Variants in DAGLA observed in about 807,000 individuals in gnomAD.
The protein encoded by DAGLA is diacylglycerol lipase alpha.
In DAGLA, 22 loss-of-function variants were observed where a neutral mutation model predicts 102.6. The observed-to-expected ratio is 0.21, with a 90% CI of 0.15 to 0.31. The LOEUF is 0.31. DAGLA is among the 10% of genes least tolerant of loss of function. DAGLA has a pLI of 1.00. For missense variants in DAGLA, 927 were observed against 1,446.6 expected, an observed-to-expected ratio of 0.64 and a Z score of 5.83; for synonymous variants, 578 against 628.9, an observed-to-expected ratio of 0.92 and a Z score of 1.21.
At chr11:61,718,703 G>T (rs2065257258) in intron 1 of DAGLA, among the ~76,000 whole-genome samples, 1 of 152,180 alleles carries the variant, frequency 6.6e-6, no homozygotes, top group South Asian at 2.1e-4. Flanking sequence ...GAGAGAGTGG[G>T]ATGATGTCAC....
At chr11:61,688,298 G>A (rs530209638) in intron 1 of DAGLA, among the ~76,000 whole-genome samples, 13 of 138,824 alleles carry the variant, frequency 9.4e-5, no homozygotes, top group Admixed American at 6.0e-4. Flanking sequence ...CTGGGTGACA[G>A]AGCAAAACTC....
At chr11:61,699,087 A>G (rs541854375) in intron 1 of DAGLA, among the ~76,000 whole-genome samples, 1 of 152,294 alleles carries the variant, frequency 6.6e-6, no homozygotes, top group South Asian at 2.1e-4. Context: ...CTGGCTGCGT[A>G]TGGGTGGGGG....
intron 4 of DAGLA, 48 bp downstream of exon 4, chr11:61,723,008 AG>A: frequency 7.0e-7 from 1 of 1,431,886 alleles, no homozygotes; most frequent in Non-Finnish European, 9.9e-7. Context: ...CCGGGGGCAC[AG>A]GGGACGAGAT....
Position 61,734,792 on chromosome 11 carries a change from G to GGGA in DAGLA, c.975-57_975-56insGGA. On this transcript the variant is annotated intron_variant, in intron 9 of 19. Coordinates refer to ENST00000257215, the MANE Select transcript of DAGLA (RefSeq NM_006133.3). This position sits in a 1 kb window ranked among gnomAD's most constrained non-coding sequence, Gnocchi z 4.2. ...ACTGGTTCCAGGGACAGTGGCAGGA[G>GGGA]ACATTTGTTCCCTCGGGGACTCCCT... 6.5e-7 allele frequency: 1 copy of GGGA among 1,532,876 alleles called. No individual in the cohort carries two copies. The highest frequency in any genetic ancestry group is 2.3e-5 in the East Asian group (1 of 43,888). The allele number at this position is 1,532,876 out of a possible 1,614,324, so 95.0% of individuals were successfully genotyped here. A position where few individuals can be genotyped will look rare whatever the true frequency, so the allele number is the denominator to read the frequency against.
chr11:61,692,547 A>G (rs914262415), intron 1 of DAGLA, among the ~76,000 whole-genome samples: 2 of 152,066 alleles, frequency 1.3e-5, no homozygotes, highest in Non-Finnish European at 2.9e-5. Flanking sequence ...ATTGCCTGAG[A>G]GATGGGAAGA....
At chr11:61,728,388 A>G in intron 7 of DAGLA, 101 bp downstream of exon 7, 1 of 1,456,092 alleles carries the variant, frequency 6.9e-7, no homozygotes, top group East Asian at 2.3e-5. Context: ...GCTCCCACGC[A>G]GCTCCCCAGT....
intron 1 of DAGLA, among the ~76,000 whole-genome samples, chr11:61,711,270 C>T (rs17156242): frequency 0.017 from 2,522 of 152,236 alleles, 73 homozygotes; most frequent in African/African-American, 0.056. Flanking sequence ...GCTGCCCGGC[C>T]GCACCCATCA....
chr11:61,714,633 G>C (rs958792183), intron 1 of DAGLA, among the ~76,000 whole-genome samples: 1 of 152,226 alleles, frequency 6.6e-6, no homozygotes, highest in Non-Finnish European at 1.5e-5. Context: ...AAGGGAGCAG[G>C]CTGGCTTGGG....
chr11:61,701,439 A>C (rs2135560598), intron 1 of DAGLA, among the ~76,000 whole-genome samples: 1 of 152,272 alleles, frequency 6.6e-6, no homozygotes, highest in South Asian at 2.1e-4. Context: ...GGCATGTCTC[A>C]GGCACCTGCT....
rs1411547729 is a variant in DAGLA, at chr11:61,709,552, C to T, written c.-44-10560C>T. 1.3e-5 allele frequency among the ~76,000 whole-genome samples: 2 copies of T among 152,216 alleles called. 1 individual carries two copies. The highest frequency in any genetic ancestry group is 4.8e-5 in the African/African-American group (2 of 41,454). On this transcript the variant is annotated intron_variant, in intron 1 of 19. Coordinates refer to ENST00000257215, the MANE Select transcript of DAGLA (RefSeq NM_006133.3). ...AGCCTGCCCACTATGGCCACCTCCC[C>T]TCATCTGGGGTCCCTGAGGGCTTCT... is the stretch of plus-strand genomic sequence containing the variant.
At position 61,744,555 on chromosome 11, in the gene DAGLA, G is replaced by T; in HGVS notation, c.*66G>T. On this transcript the variant is annotated 3_prime_UTR_variant, in exon 20 of 20. Coordinates refer to ENST00000257215, the MANE Select transcript of DAGLA (RefSeq NM_006133.3). ...GTGGCCCTGTGGGCACCTGGTGCCT[G>T]CCCCCTGCCGGGCAGCTTTAAGGAC... 5.1e-6 allele frequency: 7 copies of T among 1,383,486 alleles called. No homozygotes were observed. The highest frequency in any genetic ancestry group is 6.9e-6 in the Non-Finnish European group (7 of 1,021,102). 85.7% of individuals were successfully genotyped at this position (1,383,486 alleles called of 1,614,324 possible).
intron 10 of DAGLA, 100 bp downstream of exon 10, chr11:61,735,102 C>G: frequency 7.3e-7 from 1 of 1,377,218 alleles, no homozygotes; most frequent in Non-Finnish European, 1.0e-6. Flanking sequence ...CCTTGCTTGG[C>G]TGGTGCTGGC....
intron 5 of DAGLA, among the ~76,000 whole-genome samples, chr11:61,725,536 C>G (rs574461206): frequency 1.3e-5 from 2 of 152,328 alleles, no homozygotes; most frequent in Non-Finnish European, 1.5e-5. Flanking sequence ...GCAGGTCTTT[C>G]TGGAAGGTCT....
chr11:61,701,152 T>C (rs959996237), intron 1 of DAGLA, among the ~76,000 whole-genome samples: 1 of 152,252 alleles, frequency 6.6e-6, no homozygotes, highest in African/African-American at 2.4e-5. Context: ...TGTTTTCCAC[T>C]GTGCCCTGCA....
intron 3 of DAGLA, among the ~76,000 whole-genome samples, chr11:61,721,722 C>A (rs1173376312): frequency 6.6e-6 from 1 of 152,240 alleles, no homozygotes; most frequent in Non-Finnish European, 1.5e-5. Context: ...CCCTTCTGGT[C>A]ATTTGTAGTG....
rs538891831 is a variant in DAGLA at position 61,689,104 on chromosome 11, G to A, written c.-45+8600G>A. Among the ~76,000 whole-genome samples, 313 of 152,374 alleles carry A rather than the reference G, an allele frequency of 2.1e-3. 6 individuals are homozygous for A. In the South Asian group the frequency reaches 0.03, roughly 15 times the overall value. On this transcript the variant is annotated intron_variant, in intron 1 of 19. Coordinates refer to ENST00000257215, the MANE Select transcript of DAGLA (RefSeq NM_006133.3). ...CAAGTTTCCGCCTTCTGCGGGCCGG[G>A]ATTACATCAGGCTCCCCTGGCACGC...
At chr11:61,694,641 A>G (rs1466958416) in intron 1 of DAGLA, among the ~76,000 whole-genome samples, 1 of 151,892 alleles carries the variant, frequency 6.6e-6, no homozygotes, top group Non-Finnish European at 1.5e-5. Flanking sequence ...TGTGTCTGAT[A>G]CCCCATTTCC....
intron 1 of DAGLA, among the ~76,000 whole-genome samples, chr11:61,680,904 C>T (rs1255165563): frequency 2.6e-5 from 4 of 152,128 alleles, no homozygotes; most frequent in Non-Finnish European, 5.9e-5. Flanking sequence ...GGTGGTGCCG[C>T]TAGCATGGGT....
chr11:61,710,166 C>T (rs915976747), intron 1 of DAGLA, among the ~76,000 whole-genome samples: 1 of 152,158 alleles, frequency 6.6e-6, no homozygotes, highest in Non-Finnish European at 1.5e-5. Flanking sequence ...ACGGAGTCTC[C>T]TCTCAAGGAA....
Sources: allele counts gnomAD v4.1 joint callset (sites outside exome capture counted in the v4.1 genomes callset), GRCh38; gene constraint gnomAD v4.1.1; non-coding constraint Gnocchi (gnomAD v3.1); transcripts MANE v1.5; gene names NCBI Gene and HGNC (gene_info 2026-07-23, HGNC 2026-07-21).